Variants in WDR33 observed in about 807,000 individuals in gnomAD.
The protein encoded by WDR33 is WD repeat domain 33, also known as pre-mRNA 3' end processing protein WDR33.
WDR33 carries 47 observed loss-of-function variants against 164.9 expected under a neutral mutation model. That is an observed-to-expected ratio of 0.29 (90% confidence interval 0.23 to 0.36). The LOEUF is 0.36. WDR33 is among the 10% of genes least tolerant of loss of function. The probability of loss-of-function intolerance (pLI) is 1.00; values close to 1 mark genes in which losing one functional copy is unlikely to be tolerated. For missense variants in WDR33, 1,137 were observed against 1,754.1 expected (o/e 0.65, Z 6.28); for synonymous variants, 505 against 589.0 (o/e 0.86, Z 2.06).
At chr2:127,758,576 TA>T (rs947509835) in intron 7 of WDR33, among the ~76,000 whole-genome samples, 8 of 152,170 alleles carry the variant, frequency 5.3e-5, no homozygotes, top group Non-Finnish European at 1.0e-4. Flanking sequence ...ATCAAGAAGG[TA>T]AAACAAAATT....
Position 127,719,969 on chromosome 2 carries a change from G to A in WDR33, c.2056C>T (p.Pro686Ser), listed in dbSNP as rs1266534012. The change falls in exon 16 of 22, where the codon CCT becomes TCT. Residue 686 changes from proline to serine, a missense_variant. Physicochemically the swap from Pro to Ser is moderately conservative, Grantham distance 74. Transcript: ENST00000322313. This position sits in a 1 kb window ranked among gnomAD's most constrained non-coding sequence, Gnocchi z 6.5. ...CCAGGTGGCCCTTGAGGTCCCAAAG[G>A]GCCATGAGGTCCAGGATGCCTCTGC... Reference protein sequence around the residue: ...GMQRHPGPHGPLGPQGPPGPQ... With the variant: ...GMQRHPGPHGSLGPQGPPGPQ... 6.2e-7 allele frequency: 1 copy of A among 1,613,844 alleles called. No homozygotes were observed. Among genetic ancestry groups the A allele is most frequent in the Admixed American group, 1.7e-5 (1 of 60,000 alleles).
At chr2:127,752,580 G>C (rs1573916974) in intron 7 of WDR33, among the ~76,000 whole-genome samples, 2 of 121,390 alleles carry the variant, frequency 1.6e-5, no homozygotes, top group South Asian at 2.7e-4. Flanking sequence ...CTGGGCGACA[G>C]AGCGAGACTC....
At position 127,706,105 on chromosome 2, in the gene WDR33, G is replaced by A; in HGVS notation, c.*218C>T. On this transcript the variant is annotated 3_prime_UTR_variant, in exon 22 of 22. Coordinates refer to ENST00000322313, the MANE Select transcript of WDR33 (RefSeq NM_018383.5). This position sits in a 1 kb window ranked among gnomAD's most constrained non-coding sequence, Gnocchi z 5.1. ...TTTATCTTCACAAAACAACATGGGAGTTGGGGCAATGAGGGTGGACAGGAC... is the reference window on the plus strand; with the variant it reads ...TTTATCTTCACAAAACAACATGGGAATTGGGGCAATGAGGGTGGACAGGAC... 2.5e-6 allele frequency: 1 copy of A among 403,812 alleles called. No homozygotes were observed. Among genetic ancestry groups the A allele is most frequent in the Non-Finnish European group, 4.3e-6 (1 of 229,920 alleles). 25.0% of individuals were successfully genotyped at this position (403,812 alleles called of 1,614,324 possible).
chr2:127,775,275 G>A (rs534566417), intron 1 of WDR33, among the ~76,000 whole-genome samples: 48 of 152,228 alleles, frequency 3.2e-4, no homozygotes, highest in African/African-American at 1.1e-3. Context: ...TGTAACCTCC[G>A]CCTCCCAGGT....
At chr2:127,707,241 A>AG (rs1686041530) in intron 21 of WDR33, among the ~76,000 whole-genome samples, 1 of 151,616 alleles carries the variant, frequency 6.6e-6, no homozygotes, top group African/African-American at 2.4e-5. Flanking sequence ...AAAAAAAAAA[A>AG]AAAAGAAAAA....
Position 127,770,793 on chromosome 2 carries a change from T to C in WDR33, c.189A>G (p.Val63=). 6.2e-7 allele frequency: 1 copy of C among 1,614,010 alleles called. No homozygotes were observed. Among genetic ancestry groups the C allele is most frequent in the Non-Finnish European group, 8.5e-7 (1 of 1,179,924 alleles). ...NRKTIDYNPS[V]IKYLENRIWQ... ...TCAGGCTTACCTCCAAATACTTAAT[T>C]ACAGATGGATTGTAGTCTATGGTTT... Residue 63 remains valine (V), a synonymous_variant, in exon 2 of 22, where the codon GTA becomes GTG. Coordinates refer to ENST00000322313, the MANE Select transcript of WDR33 (RefSeq NM_018383.5). This position sits in a 1 kb window ranked among gnomAD's most constrained non-coding sequence, Gnocchi z 4.9.
intron 7 of WDR33, among the ~76,000 whole-genome samples, chr2:127,740,035 G>GT (rs746902874): frequency 5.8e-4 from 88 of 151,330 alleles, no homozygotes; most frequent in African/African-American, 9.5e-4. Flanking sequence ...TGTTGATTAT[G>GT]TTTTTTTTTA....
At chr2:127,784,219 A>C (rs938666472) in intron 1 of WDR33, among the ~76,000 whole-genome samples, 1 of 152,076 alleles carries the variant, frequency 6.6e-6, no homozygotes, top group African/African-American at 2.4e-5. Flanking sequence ...GCATATATGA[A>C]ATATATTATG....
rs762880610 is a variant in WDR33, at chr2:127,719,377, G to A, written c.2648C>T (p.Pro883Leu). 6.6e-7 allele frequency: 1 copy of A among 1,519,854 alleles called. No individual in the cohort carries two copies. Among genetic ancestry groups the A allele is most frequent in the Non-Finnish European group, 8.8e-7 (1 of 1,136,082 alleles). 94.1% of individuals were successfully genotyped at this position (1,519,854 alleles called of 1,614,324 possible). A position where few individuals can be genotyped will look rare whatever the true frequency, so the allele number is the denominator to read the frequency against. ...PQGGMQGPPG[P>L]QGQQNPARGP... is the part of the protein sequence containing the mutation. Reference sequence around the variant, plus strand: ...TCTTGCTGGGTTCTGCTGTCCCTGAGGTCCGGGGGGTCCTTGCATGCCACC... The same window carrying A: ...TCTTGCTGGGTTCTGCTGTCCCTGAAGTCCGGGGGGTCCTTGCATGCCACC... The change falls in exon 16 of 22, where the codon CCT becomes CTT. Residue 883 changes from proline (P) to leucine (L), a missense_variant. Around this residue, in one of 9 missense-constraint regions of WDR33, gnomAD observed 867 missense variants for 1,073.0 expected, o/e 0.81. Transcript: ENST00000322313. The surrounding 1 kb of genome is among the most constrained non-coding windows in gnomAD (Gnocchi z 6.5).
Position 127,750,729 on chromosome 2 carries a change from TATATATGTATGCATAC to T in WDR33, c.724+12317_724+12332del, listed in dbSNP as rs1472013675. 2.3e-3 allele frequency among the ~76,000 whole-genome samples: 139 copies of T among 60,980 alleles called. 4 individuals are homozygous for T. In the South Asian group the frequency reaches 0.061, roughly 27 times the overall value. The allele number at this position is 60,980 out of a possible 152,430, so 40.0% of individuals were successfully genotyped here. A position where few individuals can be genotyped will look rare whatever the true frequency, so the allele number is the denominator to read the frequency against. On this transcript the variant is annotated intron_variant, in intron 7 of 21. Transcript: ENST00000322313. ...ATATATATATGTATGTATGCATACA[TATATATGTATGCATAC>T]ATATATATGTATACATACATATATA...
chr2:127,768,227 A>G lies in WDR33; in HGVS notation c.340T>C (p.Ser114Pro), dbSNP rs1238017750. 6.3e-7 allele frequency: 1 copy of G among 1,582,950 alleles called. No individual in the cohort carries two copies. The highest frequency in any genetic ancestry group is 1.7e-5 in the Admixed American group (1 of 57,550). The change falls in exon 4 of 22, where the codon TCA becomes CCA. Residue 114 changes from serine to proline, a missense_variant. Physicochemically the swap from Ser to Pro is moderately conservative, Grantham distance 74. Coordinates refer to ENST00000322313, the MANE Select transcript of WDR33 (RefSeq NM_018383.5). Reference sequence around the variant, plus strand: ...ACAGGACACTTTACTTTATTTGTTGATGTCCGAACAAATTTTGTTGTTACT... The same window carrying G: ...ACAGGACACTTTACTTTATTTGTTGGTGTCCGAACAAATTTTGTTGTTACT... ...NAVTTKFVRTSTNKVKCPVFV... is the reference protein window; with the variant it reads ...NAVTTKFVRTPTNKVKCPVFV...
At chr2:127,789,943 C>T (rs1348724200) in intron 1 of WDR33, among the ~76,000 whole-genome samples, 1 of 152,078 alleles carries the variant, frequency 6.6e-6, no homozygotes, top group African/African-American at 2.4e-5. Flanking sequence ...TCAAGCAATC[C>T]TTTCACCTCA....
At chr2:127,808,330 G>A (rs1188104882) in intron 1 of WDR33, among the ~76,000 whole-genome samples, 1 of 152,194 alleles carries the variant, frequency 6.6e-6, no homozygotes, top group Non-Finnish European at 1.5e-5. Flanking sequence ...TTAATGGTGA[G>A]CCTGGCATTC....
intron 1 of WDR33, among the ~76,000 whole-genome samples, chr2:127,773,932 T>A (rs77267434): frequency 6.6e-6 from 1 of 151,576 alleles, no homozygotes; most frequent in Admixed American, 6.6e-5. Flanking sequence ...GCCCAGGTAA[T>A]TTTTTTTGTA....
Position 127,701,357 on chromosome 2 carries a change from A to T in WDR33, c.*4966T>A. On this transcript the variant is annotated 3_prime_UTR_variant, in exon 22 of 22. Coordinates refer to ENST00000322313, the MANE Select transcript of WDR33 (RefSeq NM_018383.5). ...GACAGGCAGCACCTGCGACCACGGT[A>T]CTTGGGGACACCACAAAAGTCCGCA... is the stretch of plus-strand genomic sequence containing the variant. 1 of 514,786 alleles carries T rather than the reference A, an allele frequency of 1.9e-6. No individual in the cohort carries two copies. The highest frequency in any genetic ancestry group is 2.9e-6 in the Non-Finnish European group (1 of 339,414). 31.9% of individuals were successfully genotyped at this position (514,786 alleles called of 1,614,324 possible). A position where few individuals can be genotyped will look rare whatever the true frequency, so the allele number is the denominator to read the frequency against.
rs1686484827 is a variant in WDR33 at position 127,723,241 on chromosome 2, C to A, written c.1291+12G>T. 1 of 1,608,316 alleles carries A rather than the reference C, an allele frequency of 6.2e-7. No homozygotes were observed. The highest frequency in any genetic ancestry group is 1.3e-5 in the African/African-American group (1 of 74,782). ...CAGATTTCAAAGAAGGACAGATGTG[C>A]AAGAGTCTCACCATATTCTACTCCA... On this transcript the variant is annotated intron_variant, in intron 12 of 21. Transcript: ENST00000322313. This position sits in a 1 kb window ranked among gnomAD's most constrained non-coding sequence, Gnocchi z 5.9.
chr2:127,701,623 C>T lies in WDR33; in HGVS notation c.*4700G>A. Reference sequence around the variant, plus strand: ...GAGCCGCTGCTCGCCGCGGAGAAGGCGGAGGAGCCCGGGGACCGGCCGGCG... The same window carrying T: ...GAGCCGCTGCTCGCCGCGGAGAAGGTGGAGGAGCCCGGGGACCGGCCGGCG... On this transcript the variant is annotated 3_prime_UTR_variant, in exon 22 of 22. Transcript: ENST00000322313. 3.8e-6 allele frequency: 5 copies of T among 1,330,386 alleles called. No homozygotes were observed. Among genetic ancestry groups the T allele is most frequent in the Admixed American group, 3.8e-5 (1 of 26,652 alleles). 82.4% of individuals were successfully genotyped at this position (1,330,386 alleles called of 1,614,324 possible). A position where few individuals can be genotyped will look rare whatever the true frequency, so the allele number is the denominator to read the frequency against.
intron 1 of WDR33, among the ~76,000 whole-genome samples, chr2:127,778,941 T>A (rs1235180533): frequency 1.8e-4 from 27 of 152,016 alleles, no homozygotes; most frequent in Admixed American, 1.8e-3. Flanking sequence ...CTCAACTAAT[T>A]CCTCAGCTTC....
Position 127,720,688 on chromosome 2 carries a change from C to T in WDR33, c.1672-335G>A, listed in dbSNP as rs949995729. Among the ~76,000 whole-genome samples the T allele has an allele frequency of 1.3e-5, 2 of 152,198 alleles. No individual in the cohort carries two copies. The highest frequency in any genetic ancestry group is 2.4e-5 in the African/African-American group (1 of 41,536). On this transcript the variant is annotated intron_variant, in intron 15 of 21. Coordinates refer to ENST00000322313, the MANE Select transcript of WDR33 (RefSeq NM_018383.5). The surrounding 1 kb of genome is among the most constrained non-coding windows in gnomAD (Gnocchi z 5.9). Reference sequence around the variant, plus strand: ...CAAGTGATCCTCCCACCTCGGCCTCCGGAGTAGCTGGGACTACAGGCACAT... The same window carrying T: ...CAAGTGATCCTCCCACCTCGGCCTCTGGAGTAGCTGGGACTACAGGCACAT...
Sources: gnomAD v4.1 joint callset for allele counts (sites outside exome capture counted in the v4.1 genomes callset) on GRCh38, gnomAD v4.1.1 for gene constraint, gnomAD v4.1.1 regional missense constraint, Gnocchi (gnomAD v3.1) non-coding constraint, MANE v1.5 for transcripts, NCBI Gene and HGNC (gene_info 2026-07-23, HGNC 2026-07-21) for gene names.